The following MARCHF6 variants were observed in gnomAD, a reference collection of about 807,000 sequenced individuals.
The protein encoded by MARCHF6 is E3 ubiquitin-protein ligase MARCHF6.
In MARCHF6, 31 loss-of-function variants were observed where a neutral mutation model predicts 133.7. The ratio of observed to expected loss-of-function variants is 0.23; its 90% confidence interval spans 0.17 to 0.31. MARCHF6 has a LOEUF of 0.31. Ranked by LOEUF, MARCHF6 falls within the 10% of genes least tolerant of loss-of-function variation. The pLI is 1.00. For missense variants in MARCHF6, 723 were observed against 1,121.6 expected, an observed-to-expected ratio of 0.64 and a Z score of 5.08; for synonymous variants, 395 against 402.5, an observed-to-expected ratio of 0.98 and a Z score of 0.22.
At chr5:10,355,031 C>A (rs1049543224) in intron 1 of MARCHF6, among the ~76,000 whole-genome samples, 2 of 152,084 alleles carry the variant, frequency 1.3e-5, no homozygotes, top group Middle Eastern at 3.4e-3. Flanking sequence ...TCGTAAAAAG[C>A]CTGTGGAATA....
chr5:10,400,399 A>G (rs1738454676), intron 10 of MARCHF6, among the ~76,000 whole-genome samples: 1 of 152,116 alleles, frequency 6.6e-6, no homozygotes, highest in Non-Finnish European at 1.5e-5. Flanking sequence ...CCAAAACATC[A>G]AAGTGTTTTC....
intron 22 of MARCHF6, among the ~76,000 whole-genome samples, chr5:10,420,240 T>C (rs1246409500): frequency 1.3e-5 from 2 of 152,212 alleles, no homozygotes; most frequent in Non-Finnish European, 2.9e-5. Context: ...AACATCACTT[T>C]TCAGTACATT....
chr5:10,391,982 T>C (rs1482414009), intron 7 of MARCHF6, among the ~76,000 whole-genome samples: 9 of 150,372 alleles, frequency 6.0e-5, no homozygotes, highest in Middle Eastern at 3.4e-3. Context: ...TTTGGGAGAC[T>C]GAGTCTCGCT....
Position 10,421,996 on chromosome 5 carries a change from A to C in MARCHF6, c.2284-1739A>C, listed in dbSNP as rs555947245. On this transcript the variant is annotated intron_variant, in intron 22 of 25. Transcript: ENST00000274140. ...TCAGAACACATGCCAGTTTGACAGC[A>C]CTGCTTGCAGAGCCATGAGCTTCCA... is the stretch of plus-strand genomic sequence containing the variant. 2.0e-5 allele frequency: 3 copies of C among 152,364 alleles called. No homozygotes were observed. In the East Asian group the frequency reaches 5.8e-4, roughly 29 times the overall value. 9.4% of individuals were successfully genotyped at this position (152,364 alleles called of 1,614,324 possible). A position where few individuals can be genotyped will look rare whatever the true frequency, so the allele number is the denominator to read the frequency against.
intron 22 of MARCHF6, among the ~76,000 whole-genome samples, chr5:10,419,182 A>G (rs1739696146): frequency 6.6e-6 from 1 of 152,194 alleles, no homozygotes; most frequent in South Asian, 2.1e-4. Context: ...GTTGAAAGCG[A>G]TACACATTCA....
Position 10,408,714 on chromosome 5 carries a change from T to A in MARCHF6, c.1554-1425T>A, listed in dbSNP as rs145385940. On this transcript the variant is annotated intron_variant, in intron 17 of 25. Coordinates refer to ENST00000274140, the MANE Select transcript of MARCHF6 (RefSeq NM_005885.4). ...CCACCACACCTGCCTAATTTTTGTATTTTTTGGGGAGACCGGGTTTTACCA... is the reference window on the plus strand; with the variant it reads ...CCACCACACCTGCCTAATTTTTGTAATTTTTGGGGAGACCGGGTTTTACCA... 3.0e-3 allele frequency among the ~76,000 whole-genome samples: 450 copies of A among 152,176 alleles called. 4 individuals are homozygous for A. Among genetic ancestry groups the A allele is most frequent in the African/African-American group, 0.01 (428 of 41,502 alleles).
chr5:10,365,536 G>T (rs1358483463), intron 1 of MARCHF6, among the ~76,000 whole-genome samples: 2 of 151,922 alleles, frequency 1.3e-5, no homozygotes, highest in Admixed American at 1.3e-4. Flanking sequence ...CCGACCTCAG[G>T]TGATCCGCCC....
At position 10,394,218 on chromosome 5, in the gene MARCHF6, T is replaced by C. The variant is rs1738042370; in HGVS notation, c.828+75T>C. The C allele has an allele frequency of 3.6e-6, 3 of 844,658 alleles. No homozygotes were observed. The South Asian group carries it at 6.2e-5, about 17-fold the overall frequency. 52.3% of individuals were successfully genotyped at this position (844,658 alleles called of 1,614,324 possible). A position where few individuals can be genotyped will look rare whatever the true frequency, so the allele number is the denominator to read the frequency against. On this transcript the variant is annotated intron_variant, in intron 8 of 25. Transcript: ENST00000274140. Reference sequence around the variant, plus strand: ...TTTTAAACTTTGGTGTATTTAGATGTATACACTAATGTTATCGTTACAGTT... The same window carrying C: ...TTTTAAACTTTGGTGTATTTAGATGCATACACTAATGTTATCGTTACAGTT...
chr5:10,374,152 A>G (rs903064097), intron 1 of MARCHF6, among the ~76,000 whole-genome samples: 4 of 151,960 alleles, frequency 2.6e-5, no homozygotes, highest in African/African-American at 9.7e-5. Context: ...CAAATTACCC[A>G]CTCCCAACCC....
At chr5:10,399,336 A>G (rs1315999056) in intron 10 of MARCHF6, among the ~76,000 whole-genome samples, 5 of 151,932 alleles carry the variant, frequency 3.3e-5, no homozygotes, top group Non-Finnish European at 7.4e-5. Flanking sequence ...AAATTTAAAT[A>G]TATTGGAAAT....
chr5:10,387,152 TAA>T, intron 5 of MARCHF6, 86 bp downstream of exon 5: 1 of 998,074 alleles, frequency 1.0e-6, no homozygotes, highest in East Asian at 2.7e-5. Flanking sequence ...TTATAATTTG[TAA>T]ATTCTTTTGT....
chr5:10,356,402 A>ATTTTATTTTATTTTATTTTATTTTT (rs1554017651), intron 1 of MARCHF6, among the ~76,000 whole-genome samples: 1 of 138,506 alleles, frequency 7.2e-6, no homozygotes. Flanking sequence ...ATTTTATTTT[A>ATTTTATTTTATTTTATTTTATTTTT]TTTTATTTTC....
intron 1 of MARCHF6, among the ~76,000 whole-genome samples, chr5:10,354,202 T>G (rs1343584602): frequency 6.6e-6 from 1 of 151,974 alleles, no homozygotes; most frequent in African/African-American, 2.4e-5. Context: ...GCCTCCCTTG[T>G]CCCCGCCGTC....
At chr5:10,386,044 G>A (rs567361691) in intron 4 of MARCHF6, among the ~76,000 whole-genome samples, 4 of 149,818 alleles carry the variant, frequency 2.7e-5, no homozygotes, top group South Asian at 4.2e-4. Flanking sequence ...TTTTTTTAGC[G>A]ATACACAGCA....
chr5:10,435,623 CTATATAACTATATAACTATA>C lies in MARCHF6; in HGVS notation c.*1946_*1965del, dbSNP rs1373209546. 5.6e-4 allele frequency: 7 copies of C among 12,552 alleles called. No homozygotes were observed. Among genetic ancestry groups the C allele is most frequent in the African/African-American group, 1.2e-3 (6 of 5,120 alleles). The allele number at this position is 12,552 out of a possible 1,614,324, so 0.8% of individuals were successfully genotyped here. A position where few individuals can be genotyped will look rare whatever the true frequency, so the allele number is the denominator to read the frequency against. On this transcript the variant is annotated 3_prime_UTR_variant, in exon 26 of 26. Coordinates refer to ENST00000274140, the MANE Select transcript of MARCHF6 (RefSeq NM_005885.4). ...CATTATTATTGAATTGAGCATATAA[CTATATAACTATATAACTATA>C]TATATATATATATATATATATATAT...
At chr5:10,401,561 C>T (rs542838687) in intron 11 of MARCHF6, 3 of 155,742 alleles carry the variant, frequency 1.9e-5, no homozygotes, top group South Asian at 4.1e-4. Context: ...CAAAAAATAC[C>T]GACAGGCACT....
chr5:10,390,538 G>A, intron 6 of MARCHF6, 38 bp downstream of exon 6: 1 of 1,576,334 alleles, frequency 6.3e-7, no homozygotes, highest in Non-Finnish European at 8.7e-7. Context: ...TACTTAGGTA[G>A]GTCATGAGAA....
intron 22 of MARCHF6, among the ~76,000 whole-genome samples, chr5:10,421,769 C>T (rs957298744): frequency 6.6e-6 from 1 of 152,192 alleles, no homozygotes; most frequent in South Asian, 2.1e-4. Context: ...TGAGAAAAAG[C>T]AGGGAGGCTT....
In MARCHF6 at chr5:10,436,260, G is replaced by A. The variant is rs1740650713; in HGVS notation, c.*2576G>A. On this transcript the variant is annotated 3_prime_UTR_variant, in exon 26 of 26. Coordinates refer to ENST00000274140, the MANE Select transcript of MARCHF6 (RefSeq NM_005885.4). Reference sequence around the variant, plus strand: ...AAAATTGCCCTCCATTTTACTGGCAGGTAATTTATATTGTCTTACTTAAGA... The same window carrying A: ...AAAATTGCCCTCCATTTTACTGGCAAGTAATTTATATTGTCTTACTTAAGA... 6.6e-6 allele frequency: 1 copy of A among 152,104 alleles called. No homozygotes were observed. The allele number at this position is 152,104 out of a possible 1,614,324, so 9.4% of individuals were successfully genotyped here. A position where few individuals can be genotyped will look rare whatever the true frequency, so the allele number is the denominator to read the frequency against.
Sources: allele counts gnomAD v4.1 joint callset (sites outside exome capture counted in the v4.1 genomes callset), GRCh38; gene constraint gnomAD v4.1.1; transcripts MANE v1.5; gene names NCBI Gene and HGNC (gene_info 2026-07-23, HGNC 2026-07-21).